The following KRT28 variants were observed in gnomAD, a reference collection of about 807,000 sequenced individuals.
KRT28 encodes keratin 28.
A neutral mutation model predicts 48.1 loss-of-function variants in KRT28; 45 were observed. That is an observed-to-expected ratio of 0.94 (90% confidence interval 0.74 to 1.20). The LOEUF is 1.20. KRT28 is among the 50% of genes most tolerant of loss of function. The probability of loss-of-function intolerance (pLI) is 0.00; values close to 1 mark genes in which losing one functional copy is unlikely to be tolerated. For synonymous variants in KRT28, 228 were observed against 227.4 expected (o/e 1.00, Z -0.03); for missense variants, 571 against 574.1 (o/e 0.99, Z 0.06).
chr17:40,794,161 G>T, intron 5 of KRT28, 115 bp from the exon 6 acceptor site: 1 of 1,232,156 alleles, frequency 8.1e-7, no homozygotes, highest in Non-Finnish European at 1.1e-6. Context: ...AATTTGTGAG[G>T]CTTGTCACAA....
rs763555183 is a variant in KRT28, at chr17:40,793,926, C to T, written c.1099G>A (p.Glu367Lys). ...EQLHQVRTETEGQKLEYEHLL... is the reference protein window; with the variant it reads ...EQLHQVRTETKGQKLEYEHLL... ...TGCTCATACTCCAGCTTCTGGCCCT[C>T]GGTCTCGGTTCTGACCTGGTGCAGC... Residue 367 changes from glutamate to lysine, a missense_variant, in exon 6 of 8, where the codon GAG becomes AAG. Transcript: ENST00000306658. The T allele has an allele frequency of 3.3e-5, 53 of 1,613,850 alleles. No individual in the cohort carries two copies. Among genetic ancestry groups the T allele is most frequent in the South Asian group, 6.6e-5 (6 of 91,072 alleles).
rs539685712 is a variant in KRT28 at position 40,799,519 on chromosome 17, G to A, written c.375C>T (p.Tyr125=). Residue 125 remains tyrosine, a synonymous_variant, in exon 1 of 8, where the codon TAC becomes TAT. Transcript: ENST00000306658. ...CAAGTCCACGGCAAGATCCAGGTCC[G>A]TATTTTTCATACCAACCCTTGATTT... ...ERKIKGWYEK[Y]GPGSCRGLDH... 2.8e-5 allele frequency: 45 copies of A among 1,613,976 alleles called. No individual in the cohort carries two copies. The Middle Eastern group carries it at 4.9e-4, about 18-fold the overall frequency.
At chr17:40,794,335 A>G (rs1904563366) in intron 5 of KRT28, among the ~76,000 whole-genome samples, 1 of 152,188 alleles carries the variant, frequency 6.6e-6, no homozygotes, top group Non-Finnish European at 1.5e-5. Context: ...CAACTGATAT[A>G]TTAAAGCACC....
chr17:40,793,410 A>G (rs1242681223), intron 6 of KRT28, among the ~76,000 whole-genome samples, 200 bp from the exon 7 acceptor site: 2 of 150,136 alleles, frequency 1.3e-5, no homozygotes, highest in Non-Finnish European at 2.9e-5. Context: ...TCTTGTTTCC[A>G]TTTGATTTTT....
At chr17:40,794,497 C>CT (rs899436766) in intron 5 of KRT28, among the ~76,000 whole-genome samples, 41 of 151,656 alleles carry the variant, frequency 2.7e-4, no homozygotes, top group Non-Finnish European at 4.9e-4. Context: ...TGTGCTACTG[C>CT]TTTTTTTTTC....
intron 7 of KRT28, among the ~76,000 whole-genome samples, 189 bp from the exon 8 acceptor site, chr17:40,792,758 A>G (rs772611180): frequency 1.3e-5 from 2 of 152,196 alleles, no homozygotes; most frequent in Non-Finnish European, 2.9e-5. Flanking sequence ...AAACTACTTA[A>G]ATATTGACTA....
chr17:40,796,642 A>G (rs1904618506), intron 5 of KRT28, among the ~76,000 whole-genome samples: 1 of 152,108 alleles, frequency 6.6e-6, no homozygotes, highest in African/African-American at 2.4e-5. Context: ...ACCTAAGCTG[A>G]ATTACCCTGA....
chr17:40,794,999 T>C (rs1904579376), intron 5 of KRT28, among the ~76,000 whole-genome samples: 1 of 152,246 alleles, frequency 6.6e-6, no homozygotes, highest in Non-Finnish European at 1.5e-5. Context: ...ACTTGCCTTT[T>C]TATTGCATTT....
At position 40,797,150 on chromosome 17, in the gene KRT28, G is replaced by T; in HGVS notation, c.822C>A (p.Arg274=). 6.2e-7 allele frequency: 1 copy of T among 1,614,164 alleles called. No individual in the cohort carries two copies. The highest frequency in any genetic ancestry group is 8.5e-7 in the Non-Finnish European group (1 of 1,180,022). ...AEYEALAEQN[R]KDAEAWFNEK... The stretch of plus-strand genomic sequence containing the variant: ...CATTGAACCAGGCCTCCGCGTCCTT[G>T]CGGTTCTGCTCTGCAAGGGCTTCGT... Residue 274 remains arginine, a synonymous_variant, in exon 4 of 8, where the codon CGC becomes CGA. Transcript: ENST00000306658.
chr17:40,796,096 T>C (rs1385275040), intron 5 of KRT28, among the ~76,000 whole-genome samples: 2 of 152,222 alleles, frequency 1.3e-5, no homozygotes, highest in Non-Finnish European at 2.9e-5. Context: ...TTTTGAGTCA[T>C]CTTTTCCTTT....
chr17:40,793,214 TA>T lies in KRT28; in HGVS notation c.1197-5del. The T allele has an allele frequency of 6.5e-7, 1 of 1,527,922 alleles. No homozygotes were observed. 94.6% of individuals were successfully genotyped at this position (1,527,922 alleles called of 1,614,324 possible). On this transcript the variant is annotated splice_region_variant and splice_polypyrimidine_tract_variant and intron_variant, in intron 6 of 7. Coordinates refer to ENST00000306658, the MANE Select transcript of KRT28 (RefSeq NM_181535.3). ...GCCCTTTGATTTGGAGCATGAACTG[TA>T]AAAGAAATATAGTTTATTCTTTTAT...
chr17:40,793,408 C>T (rs1204369139), intron 6 of KRT28, among the ~76,000 whole-genome samples, 198 bp from the exon 7 acceptor site: 2 of 149,806 alleles, frequency 1.3e-5, no homozygotes, highest in Non-Finnish European at 2.9e-5. Context: ...AATCTTGTTT[C>T]CATTTGATTT....
intron 2 of KRT28, 128 bp downstream of exon 2, chr17:40,798,789 C>G (rs1244641732): frequency 1.5e-6 from 1 of 652,808 alleles, no homozygotes; most frequent in Non-Finnish European, 2.7e-6. Flanking sequence ...CATTATAATA[C>G]AAATCCTTTG....
At position 40,799,959 on chromosome 17, in the gene KRT28, T is replaced by C; in HGVS notation, c.-66A>G. ...AATGTCCCAAGAGAACAGAATATCATGCACTGATAATTTCTTTGGGTTTTT... is the reference window on the plus strand; with the variant it reads ...AATGTCCCAAGAGAACAGAATATCACGCACTGATAATTTCTTTGGGTTTTT... On this transcript the variant is annotated 5_prime_UTR_variant, in exon 1 of 8. The change abolishes an upstream ATG in the 5' untranslated region. Transcript: ENST00000306658. 1 of 1,248,344 alleles carries C rather than the reference T, an allele frequency of 8.0e-7. No homozygotes were observed. The allele number at this position is 1,248,344 out of a possible 1,614,324, so 77.3% of individuals were successfully genotyped here.
intron 5 of KRT28, among the ~76,000 whole-genome samples, chr17:40,795,706 C>G (rs1449493394): frequency 6.6e-6 from 1 of 152,180 alleles, no homozygotes; most frequent in Non-Finnish European, 1.5e-5. Context: ...GCTGCACAGA[C>G]TCTAACTACT....
chr17:40,793,109 TAAAAA>T (rs993725680), intron 7 of KRT28, 41 bp downstream of exon 7: 2 of 1,355,680 alleles, frequency 1.5e-6, no homozygotes, highest in African/African-American at 1.5e-5. Flanking sequence ...CAAAAAAATT[TAAAAA>T]AAGAAAAGAA....
intron 3 of KRT28, among the ~76,000 whole-genome samples, chr17:40,797,773 A>G (rs1454370845): frequency 1.3e-5 from 2 of 152,124 alleles, no homozygotes; most frequent in African/African-American, 2.4e-5. Context: ...AAAACAAACA[A>G]AAAAAATTAG....
Position 40,799,492 on chromosome 17 carries a change from ATC to A in KRT28, c.400_401del (p.Asp134SerfsTer2), listed in dbSNP as rs780732285. The A allele has an allele frequency of 1.9e-6, 3 of 1,613,920 alleles. No individual in the cohort carries two copies. The African/African-American group carries it at 4.0e-5, about 22-fold the overall frequency. ...TTAGGTGATATCTGCTATAGTCATG[ATC>A]AAGTCCACGGCAAGATCCAGGTCCG... The part of the protein sequence containing the change: ...KYGPGSCRGL[D>X]HDYSRYHLTI... On this transcript the variant is annotated frameshift_variant, in exon 1 of 8. Coordinates refer to ENST00000306658, the MANE Select transcript of KRT28 (RefSeq NM_181535.3). LOFTEE classifies it high-confidence loss of function.
chr17:40,796,152 G>T (rs893057681), intron 5 of KRT28, among the ~76,000 whole-genome samples: 1 of 152,222 alleles, frequency 6.6e-6, no homozygotes, highest in Non-Finnish European at 1.5e-5. Context: ...TCTTCTTTGT[G>T]TTACAACCTG....
Sources: gnomAD v4.1 joint callset for allele counts (sites outside exome capture counted in the v4.1 genomes callset) on GRCh38, gnomAD v4.1.1 for gene constraint, MANE v1.5 for transcripts, NCBI Gene and HGNC (gene_info 2026-07-23, HGNC 2026-07-21) for gene names.